DLGAP1: variants seen among roughly 807,000 people sequenced by gnomAD.
DLGAP1 encodes the protein disks large-associated protein 1.
In DLGAP1, 11 loss-of-function variants were observed where a neutral mutation model predicts 90.8. That is an observed-to-expected ratio of 0.12 (90% CI 0.08 to 0.20). The LOEUF (loss-of-function observed/expected upper bound fraction) is 0.20. DLGAP1 is among the 10% of genes least tolerant of loss of function. The pLI is 1.00. For synonymous variants in DLGAP1, 558 were observed against 540.7 expected (o/e 1.03, Z -0.44); for missense variants, 1,050 against 1,333.8 (o/e 0.79, Z 3.31).
chr18:3,838,196 G>A (rs2068514880), intron 4 of DLGAP1, among the ~76,000 whole-genome samples: 1 of 152,170 alleles, frequency 6.6e-6, no homozygotes, highest in African/African-American at 2.4e-5. Context: ...CATGCACAGG[G>A]CTTGATCATA....
intron 7 of DLGAP1, among the ~76,000 whole-genome samples, chr18:3,602,488 G>C (rs1385115790): frequency 1.3e-5 from 2 of 150,202 alleles, no homozygotes; most frequent in South Asian, 4.2e-4. Flanking sequence ...CCAGCTACTC[G>C]GGAGGCTGAG....
intron 1 of DLGAP1, among the ~76,000 whole-genome samples, chr18:4,237,873 TATA>T (rs887539133): frequency 1.4e-4 from 21 of 152,322 alleles, no homozygotes; most frequent in Admixed American, 1.3e-3. Flanking sequence ...GTTGTAAAGC[TATA>T]ATAAAAATAT....
intron 10 of DLGAP1, among the ~76,000 whole-genome samples, chr18:3,532,969 T>C (rs907285727): frequency 6.6e-6 from 1 of 152,346 alleles, no homozygotes; most frequent in Admixed American, 6.5e-5. Context: ...ATTTTTCTTT[T>C]TCAAATGTTA....
intron 2 of DLGAP1, among the ~76,000 whole-genome samples, chr18:4,105,547 T>C (rs1344147596): frequency 6.6e-6 from 1 of 152,256 alleles, no homozygotes; most frequent in Non-Finnish European, 1.5e-5. Flanking sequence ...GTTGAGTTTG[T>C]GAATAACATG....
chr18:3,664,222 A>ACC (rs1490358382), intron 7 of DLGAP1, among the ~76,000 whole-genome samples: 1 of 149,890 alleles, frequency 6.7e-6, no homozygotes, highest in African/African-American at 2.5e-5. Flanking sequence ...ACACACCCAC[A>ACC]CACACACACA....
chr18:3,930,891 T>C (rs1247540879), intron 3 of DLGAP1, among the ~76,000 whole-genome samples: 1 of 152,244 alleles, frequency 6.6e-6, no homozygotes, highest in African/African-American at 2.4e-5. Flanking sequence ...CTTGTGGTTT[T>C]GGAAACTGTC....
At chr18:3,948,299 T>C (rs1330304291) in intron 3 of DLGAP1, among the ~76,000 whole-genome samples, 3 of 152,144 alleles carry the variant, frequency 2.0e-5, no homozygotes, top group Non-Finnish European at 2.9e-5. Flanking sequence ...CCAGAGAAGG[T>C]AGGGGCCACA....
In DLGAP1 at chr18:3,534,566, C is replaced by T. The variant is rs767953562; in HGVS notation, c.2107G>A (p.Asp703Asn). The T allele has an allele frequency of 8.7e-6, 14 of 1,611,826 alleles. No homozygotes were observed. The highest frequency in any genetic ancestry group is 2.2e-5 in the East Asian group (1 of 44,872). The change falls in exon 10 of 13, where the codon GAC becomes AAC. Residue 703 changes from aspartate to asparagine, a missense_variant. Transcript: ENST00000315677. ...SNSVTTAVQADLDFHDNLENS... is the reference protein window; with the variant it reads ...SNSVTTAVQANLDFHDNLENS... ...TCCAGATTATCATGGAAGTCCAGGT[C>T]GGCCTGTACTGCTGTCGTCACACTG...
chr18:3,540,469 CAAAAAAAAAAA>C (rs60740209), intron 9 of DLGAP1, among the ~76,000 whole-genome samples: 35 of 58,020 alleles, frequency 6.0e-4, no homozygotes, highest in African/African-American at 1.2e-3. Context: ...GGCCCTGTGT[CAAAAAAAAAAA>C]AAAAAAAAAA....
intron 2 of DLGAP1, among the ~76,000 whole-genome samples, chr18:4,137,278 A>G (rs1263643501): frequency 6.6e-6 from 1 of 151,984 alleles, no homozygotes; most frequent in Admixed American, 6.6e-5. Flanking sequence ...TATGTGCCAC[A>G]TTTTCTTAAT....
intron 10 of DLGAP1, among the ~76,000 whole-genome samples, chr18:3,516,630 A>G (rs1381281250): frequency 6.6e-6 from 1 of 152,216 alleles, no homozygotes; most frequent in Admixed American, 6.5e-5. Context: ...ATGGACTCAC[A>G]GTTCCACATG....
chr18:3,611,054 C>T (rs2057594492), intron 7 of DLGAP1, among the ~76,000 whole-genome samples: 1 of 151,772 alleles, frequency 6.6e-6, no homozygotes. Context: ...ATTGCTTGAG[C>T]CCAGGAGGTC....
At chr18:3,511,085 T>G (rs1208954493) in intron 10 of DLGAP1, among the ~76,000 whole-genome samples, 1 of 152,174 alleles carries the variant, frequency 6.6e-6, no homozygotes, top group Non-Finnish European at 1.5e-5. Context: ...CCAGGATACT[T>G]GCAATTCCTG....
chr18:4,420,928 C>T (rs2615862), intron 1 of DLGAP1, among the ~76,000 whole-genome samples: 1 of 151,938 alleles, frequency 6.6e-6, no homozygotes, highest in African/African-American at 2.4e-5. Context: ...CTTTCCACTC[C>T]GTCTGTTATA....
chr18:3,992,331 G>A (rs559913823), intron 3 of DLGAP1, among the ~76,000 whole-genome samples: 1 of 152,226 alleles, frequency 6.6e-6, no homozygotes, highest in Non-Finnish European at 1.5e-5. Context: ...TGATCTATCA[G>A]CTTTTCTCTT....
In DLGAP1 at chr18:3,580,569, C is replaced by T. The variant is rs2055434408; in HGVS notation, c.1965+1306G>A. 6.9e-6 allele frequency: 11 copies of T among 1,589,492 alleles called. No individual in the cohort carries two copies. The South Asian group carries it at 1.0e-4, about 15-fold the overall frequency. On this transcript the variant is annotated intron_variant, in intron 8 of 12. Transcript: ENST00000315677. ...GAGGTGGCAGAGCCAGAGGAGGGCT[C>T]CGGGGAGGAGGTGCCCATGGAGACT...
chr18:4,244,317 C>A (rs1232690822), intron 1 of DLGAP1, among the ~76,000 whole-genome samples: 1 of 152,070 alleles, frequency 6.6e-6, no homozygotes, highest in Non-Finnish European at 1.5e-5. Context: ...TTTAGCTTTC[C>A]ATTTACCAAA....
At chr18:3,809,637 C>T (rs2066731655) in intron 5 of DLGAP1, among the ~76,000 whole-genome samples, 1 of 152,180 alleles carries the variant, frequency 6.6e-6, no homozygotes, top group South Asian at 2.1e-4. Flanking sequence ...TATAGACTGA[C>T]TATTTCTTCC....
intron 1 of DLGAP1, among the ~76,000 whole-genome samples, chr18:4,245,683 C>T (rs2078639666): frequency 2.0e-5 from 3 of 152,156 alleles, no homozygotes; most frequent in South Asian, 2.1e-4. Flanking sequence ...CATCAGAATC[C>T]GCTTGGGTGG....
Sources: allele counts gnomAD v4.1 joint callset (sites outside exome capture counted in the v4.1 genomes callset), GRCh38; gene constraint gnomAD v4.1.1; transcripts MANE v1.5; gene names NCBI Gene and HGNC (gene_info 2026-07-23, HGNC 2026-07-21).